HERC2: variants seen among roughly 807,000 people sequenced by gnomAD.
HERC2 encodes HECT and RLD domain containing E3 ubiquitin protein ligase 2, also known as E3 ubiquitin-protein ligase HERC2.
Under a neutral mutation model 537.7 loss-of-function variants are expected in HERC2, and 102 were observed. The ratio of observed to expected loss-of-function variants is 0.19; its 90% CI spans 0.16 to 0.22. HERC2 has a LOEUF of 0.22. Ranked by LOEUF, HERC2 falls within the 10% of genes least tolerant of loss-of-function variation. The probability of loss-of-function intolerance (pLI) is 1.00; values close to 1 mark genes in which losing one functional copy is unlikely to be tolerated. For missense variants in HERC2, 4,236 were observed against 6,198.2 expected (o/e 0.68, Z 10.63); for synonymous variants, 2,224 against 2,466.2 (o/e 0.90, Z 2.91).
rs145190727 is a variant in HERC2 at position 28,169,645 on chromosome 15, T to C, written c.10068A>G (p.Ser3356=). 120 of 1,611,752 alleles carry C rather than the reference T, an allele frequency of 7.4e-5. 1 individual carries two copies. The African/African-American group carries it at 1.5e-3, about 21-fold the overall frequency. Residue 3356 remains serine (S), a synonymous_variant, in exon 66 of 93, where the codon TCA becomes TCG. Transcript: ENST00000261609. ...TACTGGCAGCAGAAGAATCAGCATCTGAAGGCACGCCTATAAGAGGAAAAT... is the reference window on the plus strand; with the variant it reads ...TACTGGCAGCAGAAGAATCAGCATCCGAAGGCACGCCTATAAGAGGAAAAT... ...PLGASYLGVP[S]DADSSAASNK... is the part of the protein sequence containing the mutation.
chr15:28,310,033 A>G (rs1362599273), intron 2 of HERC2, among the ~76,000 whole-genome samples: 2 of 152,246 alleles, frequency 1.3e-5, no homozygotes, highest in African/African-American at 2.4e-5. Context: ...AGCCAGGTAG[A>G]GTGACTCACA....
At chr15:28,160,497 T>A (rs1400936265) in intron 69 of HERC2, among the ~76,000 whole-genome samples, 1 of 152,216 alleles carries the variant, frequency 6.6e-6, no homozygotes. Context: ...GTGCTAGCAA[T>A]GAGCGAGGCT....
At position 28,111,741 on chromosome 15, in the gene HERC2, C is replaced by T. The variant is rs751764900; in HGVS notation, c.*22G>A. Reference sequence around the variant, plus strand: ...TCTGCTGCCTGGCTCAGGCTCTCATCTCACGAGGACGTTTCCCCATCTTAG... The same window carrying T: ...TCTGCTGCCTGGCTCAGGCTCTCATTTCACGAGGACGTTTCCCCATCTTAG... On this transcript the variant is annotated 3_prime_UTR_variant, in exon 93 of 93. Coordinates refer to ENST00000261609, the MANE Select transcript of HERC2 (RefSeq NM_004667.6). 1.2e-6 allele frequency: 2 copies of T among 1,610,004 alleles called. No homozygotes were observed. The highest frequency in any genetic ancestry group is 1.7e-6 in the Non-Finnish European group (2 of 1,176,646).
At chr15:28,314,966 A>G (rs1342786982) in intron 2 of HERC2, among the ~76,000 whole-genome samples, 1 of 152,212 alleles carries the variant, frequency 6.6e-6, no homozygotes, top group Non-Finnish European at 1.5e-5. Context: ...GCAGGACAAT[A>G]GCCAAGGTGA....
At chr15:28,253,990 A>C (rs971504217) in intron 20 of HERC2, among the ~76,000 whole-genome samples, 3 of 151,258 alleles carry the variant, frequency 2.0e-5, no homozygotes, top group Non-Finnish European at 4.4e-5. Context: ...AAAAATAATA[A>C]GTACATAAAT....
chr15:28,293,099 C>T (rs971922043), intron 3 of HERC2, 77 bp from the exon 4 acceptor site: 1 of 1,356,278 alleles, frequency 7.4e-7, no homozygotes, highest in Non-Finnish European at 1.0e-6. Flanking sequence ...ATGTCCCTCC[C>T]CGAAAAGTTA....
Position 28,183,976 on chromosome 15 carries a change from C to T in HERC2, c.8826-1464G>A, listed in dbSNP as rs138137820. Among the ~76,000 whole-genome samples, 9 of 152,064 alleles carry T rather than the reference C, an allele frequency of 5.9e-5. No homozygotes were observed. The East Asian group carries it at 1.7e-3, about 30-fold the overall frequency. ...GCCAAGGTGGGCAGATTCCTTGAGC[C>T]CAGGAGTTGGAGACCAGCCTGGGCA... On this transcript the variant is annotated intron_variant, in intron 56 of 92. Transcript: ENST00000261609.
Position 28,113,255 on chromosome 15 carries a change from T to C in HERC2, c.14048A>G (p.His4683Arg). The change falls in exon 92 of 93, where the codon CAC (histidine) becomes CGC (arginine). Residue 4683 changes from histidine (H) to arginine (R), a missense_variant. This residue lies in a region of HERC2 where 313 missense variants were observed against 462.6 expected (regional missense o/e 0.68). Transcript: ENST00000261609. The surrounding 1 kb of genome is among the most constrained non-coding windows in gnomAD (Gnocchi z 7.0). ...MVCGSPDIPL[H>R]LLKSVATYKG... ...ATAGGTGGCCACCGACTTGAGAAGG[T>C]GCAGCGGGATGTCAGGGCTGCCACA... 1.2e-6 allele frequency: 2 copies of C among 1,614,024 alleles called. No individual in the cohort carries two copies. Among genetic ancestry groups the C allele is most frequent in the Non-Finnish European group, 1.7e-6 (2 of 1,180,006 alleles).
At chr15:28,191,930 G>A (rs1358722590) in intron 53 of HERC2, 31 bp downstream of exon 53, 2 of 1,587,886 alleles carry the variant, frequency 1.3e-6, no homozygotes, top group Middle Eastern at 1.7e-4. Flanking sequence ...CGGTGTGAAA[G>A]TGCCCGCTGC....
intron 30 of HERC2, among the ~76,000 whole-genome samples, chr15:28,231,776 G>A (rs1438491430): frequency 1.3e-5 from 2 of 151,912 alleles, no homozygotes; most frequent in African/African-American, 2.4e-5. Context: ...GAGAAGGCTC[G>A]GGGATCCCTG....
chr15:28,195,638 G>C (rs1465651559), intron 52 of HERC2, among the ~76,000 whole-genome samples: 1 of 151,918 alleles, frequency 6.6e-6, no homozygotes, highest in African/African-American at 2.4e-5. Flanking sequence ...TATTCATAGA[G>C]ACCAAAGTTA....
Position 28,122,374 on chromosome 15 carries a change from G to A in HERC2, c.13189-945C>T, listed in dbSNP as rs1298064789. On this transcript the variant is annotated intron_variant, in intron 85 of 92. Transcript: ENST00000261609. This position sits in a 1 kb window ranked among gnomAD's most constrained non-coding sequence, Gnocchi z 4.1. ...CGTGCCTTCTTTCGGTTAGGGGTGGGCTGTGGGAGCACAAGGGTCCCTCAG... is the reference window on the plus strand; with the variant it reads ...CGTGCCTTCTTTCGGTTAGGGGTGGACTGTGGGAGCACAAGGGTCCCTCAG... Among the ~76,000 whole-genome samples the A allele has an allele frequency of 2.6e-5, 4 of 152,336 alleles. No individual in the cohort carries two copies. The highest frequency in any genetic ancestry group is 9.6e-5 in the African/African-American group (4 of 41,592).
At chr15:28,252,834 T>C (rs2140870500) in intron 20 of HERC2, among the ~76,000 whole-genome samples, 1 of 152,360 alleles carries the variant, frequency 6.6e-6, no homozygotes, top group South Asian at 2.1e-4. Context: ...TAAAACTTCC[T>C]GTTTCAAAAT....
At chr15:28,300,556 C>T (rs1276227365) in intron 2 of HERC2, among the ~76,000 whole-genome samples, 5 of 151,224 alleles carry the variant, frequency 3.3e-5, no homozygotes, top group Non-Finnish European at 7.4e-5. Context: ...GCCACGGTGG[C>T]TCACACCCGT....
In HERC2 at chr15:28,174,514, C is replaced by T. The variant is rs760024594; in HGVS notation, c.9938G>A (p.Arg3313His). The T allele has an allele frequency of 2.1e-5, 34 of 1,613,870 alleles. No individual in the cohort carries two copies. The highest frequency in any genetic ancestry group is 2.7e-5 in the Non-Finnish European group (32 of 1,179,890). ...ACTGTGGGACGACCCACAAGCCACGCGTGTGATCTTCTGGCCTTCTAAGCC... is the reference window on the plus strand; with the variant it reads ...ACTGTGGGACGACCCACAAGCCACGTGTGTGATCTTCTGGCCTTCTAAGCC... ...VQGLEGQKIT[R>H]VACGSSHSVA... Residue 3313 changes from arginine (R) to histidine (H), a missense_variant, in exon 65 of 93, where the codon CGC becomes CAC. Physicochemically the swap from Arg to His is conservative, Grantham distance 29. This residue lies in a region of HERC2 where 93 missense variants were observed against 265.1 expected (regional missense o/e 0.35). Transcript: ENST00000261609.
intron 68 of HERC2, among the ~76,000 whole-genome samples, chr15:28,164,150 A>C (rs954648778): frequency 7.9e-5 from 12 of 152,178 alleles, no homozygotes; most frequent in African/African-American, 2.9e-4. Flanking sequence ...CTCATTCCCC[A>C]GGCAGAGTCT....
intron 92 of HERC2, 67 bp from the exon 93 acceptor site, chr15:28,112,102 T>C (rs903736894): frequency 3.5e-5 from 52 of 1,479,522 alleles, no homozygotes; most frequent in Non-Finnish European, 4.6e-5. Flanking sequence ...CTGTGCTCAT[T>C]AGACTCTTCG....
Position 28,317,294 on chromosome 15 carries a change from C to G in HERC2, c.72+4068G>C, listed in dbSNP as rs563199964. On this transcript the variant is annotated intron_variant, in intron 2 of 92. Transcript: ENST00000261609. Reference sequence around the variant, plus strand: ...AGTAGAGACAGGGTTTCACCATGGGCGCCAGGCTGGTTTTGAACTCCTGAC... The same window carrying G: ...AGTAGAGACAGGGTTTCACCATGGGGGCCAGGCTGGTTTTGAACTCCTGAC... Among the ~76,000 whole-genome samples, 33 of 152,198 alleles carry G rather than the reference C, an allele frequency of 2.2e-4. No homozygotes were observed. In the South Asian group the frequency reaches 6.5e-3, roughly 30 times the overall value.
intron 16 of HERC2, among the ~76,000 whole-genome samples, chr15:28,258,422 A>C (rs548957133): frequency 1.3e-5 from 2 of 152,282 alleles, no homozygotes; most frequent in Admixed American, 1.3e-4. Flanking sequence ...CCGTGAGCTG[A>C]GATCATGTCA....
Sources: allele counts gnomAD v4.1 joint callset (sites outside exome capture counted in the v4.1 genomes callset), GRCh38; gene constraint gnomAD v4.1.1; regional missense constraint gnomAD v4.1.1; non-coding constraint Gnocchi (gnomAD v3.1); transcripts MANE v1.5; gene names NCBI Gene and HGNC (gene_info 2026-07-23, HGNC 2026-07-21).